PTPRE: variants seen among roughly 807,000 people sequenced by gnomAD.
The protein encoded by PTPRE is receptor-type tyrosine-protein phosphatase epsilon.
PTPRE carries 51 observed loss-of-function variants against 102.0 expected under a neutral mutation model. That is an observed-to-expected ratio of 0.50 (90% CI 0.40 to 0.63). PTPRE has a LOEUF of 0.63. PTPRE is among the 30% of genes least tolerant of loss of function. PTPRE has a pLI of 0.00. For missense variants in PTPRE, 752 were observed against 915.1 expected, an observed-to-expected ratio of 0.82 and a Z score of 2.30; for synonymous variants, 345 against 348.2, an observed-to-expected ratio of 0.99 and a Z score of 0.10.
rs781209376 is a variant in PTPRE at position 128,073,390 on chromosome 10, G to A, written c.1518G>A (p.Thr506=). ...FIATQGPLAH[T]VEDFWRMIWE... ...CCACCCAGGGGCCACTGGCACACAC[G>A]GTTGAGGACTTCTGGAGGATGATCT... Residue 506 remains threonine (T), a synonymous_variant, in exon 17 of 21, where the codon ACG becomes ACA. Transcript: ENST00000254667. 23 of 1,614,092 alleles carry A rather than the reference G, an allele frequency of 1.4e-5. No individual in the cohort carries two copies. Among genetic ancestry groups the A allele is most frequent in the African/African-American group, 4.0e-5 (3 of 74,940 alleles).
rs970198206 is a variant in PTPRE at position 128,003,982 on chromosome 10, C to T, written c.-8+21686C>T. 8.6e-5 allele frequency among the ~76,000 whole-genome samples: 13 copies of T among 151,148 alleles called. 1 individual carries two copies. The highest frequency in any genetic ancestry group is 5.9e-4 in the Admixed American group (9 of 15,212). On this transcript the variant is annotated intron_variant, in intron 2 of 20. Transcript: ENST00000254667. ...CACAGAGAGGAAGCCATGTCATCTA[C>T]TTAGCTGTAGGACAATTTACACATG...
At chr10:127,912,471 A>G (rs1451524727) in intron 1 of PTPRE, among the ~76,000 whole-genome samples, 3 of 152,220 alleles carry the variant, frequency 2.0e-5, no homozygotes, top group Admixed American at 2.0e-4. Flanking sequence ...GGGCAGAGAA[A>G]TCTTTCTCCC....
At chr10:127,948,787 T>C (rs776862316) in intron 1 of PTPRE, among the ~76,000 whole-genome samples, 6 of 152,260 alleles carry the variant, frequency 3.9e-5, no homozygotes, top group Non-Finnish European at 8.8e-5. Context: ...AGGTGCCAAC[T>C]TGACAGGATT....
At chr10:127,975,989 G>T (rs948799780) in intron 1 of PTPRE, among the ~76,000 whole-genome samples, 1 of 152,086 alleles carries the variant, frequency 6.6e-6, no homozygotes, top group Admixed American at 6.5e-5. Context: ...AGTGATCCCT[G>T]TTGGGTGCTT....
intron 1 of PTPRE, among the ~76,000 whole-genome samples, chr10:127,953,376 TGA>T (rs1849178890): frequency 6.6e-6 from 1 of 152,232 alleles, no homozygotes; most frequent in Admixed American, 6.5e-5. Context: ...ACTATCCTTT[TGA>T]GAGACAACTC....
chr10:127,937,221 T>A (rs1389054390), intron 1 of PTPRE, among the ~76,000 whole-genome samples: 3 of 152,218 alleles, frequency 2.0e-5, no homozygotes, highest in African/African-American at 4.8e-5. Flanking sequence ...ATAATGGCTT[T>A]TTATAAATCT....
chr10:127,960,630 G>GA (rs1259269177), intron 1 of PTPRE, among the ~76,000 whole-genome samples: 3 of 152,164 alleles, frequency 2.0e-5, no homozygotes, highest in African/African-American at 7.2e-5. Context: ...AGTCATCTTG[G>GA]ACCTCCTAGC....
rs115400492 is a variant in PTPRE at position 128,021,850 on chromosome 10, G to A, written c.-7-19025G>A. ...TCTCTTACCACGTGCTTCCCGTGAG[G>A]CTGCTTTTGGCTGGAGGGTCAGCTT... On this transcript the variant is annotated intron_variant, in intron 2 of 20. Transcript: ENST00000254667. Among the ~76,000 whole-genome samples, 1,033 of 152,330 alleles carry A rather than the reference G, an allele frequency of 6.8e-3. 15 individuals carry two copies. Among genetic ancestry groups the A allele is most frequent in the African/African-American group, 0.023 (960 of 41,576 alleles).
At chr10:128,001,794 C>A (rs1788293854) in intron 2 of PTPRE, among the ~76,000 whole-genome samples, 1 of 152,170 alleles carries the variant, frequency 6.6e-6, no homozygotes, top group African/African-American at 2.4e-5. Context: ...GCTGTGGAAA[C>A]CAGCCACATG....
chr10:128,066,308 G>C (rs528191696), intron 11 of PTPRE, 114 bp downstream of exon 11: 12 of 1,497,672 alleles, frequency 8.0e-6, no homozygotes, highest in Non-Finnish European at 9.1e-7. Flanking sequence ...CGGCACTGTC[G>C]CAGCCCTGGC....
chr10:128,070,544 C>T lies in PTPRE; in HGVS notation c.1293+94C>T. 6 of 1,472,906 alleles carry T rather than the reference C, an allele frequency of 4.1e-6. No individual in the cohort carries two copies. Among genetic ancestry groups the T allele is most frequent in the Non-Finnish European group, 5.5e-6 (6 of 1,096,186 alleles). The allele number at this position is 1,472,906 out of a possible 1,614,324, so 91.2% of individuals were successfully genotyped here. A position where few individuals can be genotyped will look rare whatever the true frequency, so the allele number is the denominator to read the frequency against. ...ATTTAAAGGAAGCCTCTTTCAATCA[C>T]TTGCCCCTTAACTGACCTCAGAAAA... On this transcript the variant is annotated intron_variant, in intron 14 of 20. Coordinates refer to ENST00000254667, the MANE Select transcript of PTPRE (RefSeq NM_006504.6). This position sits in a 1 kb window ranked among gnomAD's most constrained non-coding sequence, Gnocchi z 4.8.
At chr10:128,011,778 G>A (rs1845034355) in intron 2 of PTPRE, among the ~76,000 whole-genome samples, 1 of 152,214 alleles carries the variant, frequency 6.6e-6, no homozygotes, top group South Asian at 2.1e-4. Context: ...CTGGTGCCCA[G>A]CCAAGCTCAG....
Position 127,982,607 on chromosome 10 carries a change from G to A in PTPRE, c.-8+311G>A, listed in dbSNP as rs574556503. ...TTCTACATGCTTTCCTTTCACTGAC[G>A]TGTCGTTGCTTTTAAAAGGGCCTAG... On this transcript the variant is annotated intron_variant, in intron 2 of 20. Transcript: ENST00000254667. Among the ~76,000 whole-genome samples, 174 of 151,916 alleles carry A rather than the reference G, an allele frequency of 1.1e-3. 4 individuals carry two copies. Among genetic ancestry groups the A allele is most frequent in the Admixed American group, 0.011 (165 of 15,226 alleles).
chr10:127,998,624 A>G (rs1853528841), intron 2 of PTPRE: 1 of 152,178 alleles, frequency 6.6e-6, no homozygotes, highest in Non-Finnish European at 1.5e-5. Context: ...GCACATAAGA[A>G]AAGACGTGGC....
At chr10:127,914,232 G>A (rs532890923) in intron 1 of PTPRE, among the ~76,000 whole-genome samples, 52 of 152,280 alleles carry the variant, frequency 3.4e-4, no homozygotes, top group Non-Finnish European at 4.4e-4. Context: ...ACCTGAAGCA[G>A]GTGCCAGCAT....
At chr10:128,065,108 A>G (rs754437147) in intron 10 of PTPRE, among the ~76,000 whole-genome samples, 4 of 149,582 alleles carry the variant, frequency 2.7e-5, no homozygotes, top group Non-Finnish European at 4.5e-5. Flanking sequence ...TGTGACCCAC[A>G]GCCCCGCAGC....
At chr10:128,074,355 C>G (rs989054541) in intron 17 of PTPRE, among the ~76,000 whole-genome samples, 1 of 152,202 alleles carries the variant, frequency 6.6e-6, no homozygotes, top group African/African-American at 2.4e-5. Context: ...GTTGTTTCCA[C>G]TTTGGAGCTA....
At chr10:128,011,820 C>A (rs576753861) in intron 2 of PTPRE, among the ~76,000 whole-genome samples, 1 of 152,250 alleles carries the variant, frequency 6.6e-6, no homozygotes, top group Non-Finnish European at 1.5e-5. Context: ...TGCCAGTTCA[C>A]AGGCGGTGGC....
At chr10:128,013,285 G>A (rs565165746) in intron 2 of PTPRE, among the ~76,000 whole-genome samples, 3 of 152,248 alleles carry the variant, frequency 2.0e-5, no homozygotes, top group African/African-American at 7.2e-5. Context: ...AGTGTTCTCC[G>A]AAGTCGTGAG....
Sources: allele counts gnomAD v4.1 joint callset (sites outside exome capture counted in the v4.1 genomes callset), GRCh38; gene constraint gnomAD v4.1.1; non-coding constraint Gnocchi (gnomAD v3.1); transcripts MANE v1.5; gene names NCBI Gene and HGNC (gene_info 2026-07-23, HGNC 2026-07-21).